Variants in KLRG1 observed in about 807,000 individuals in gnomAD.
KLRG1 encodes killer cell lectin like receptor G1.
KLRG1 carries 16 observed loss-of-function variants against 21.8 expected under a neutral mutation model. The observed-to-expected ratio is 0.73, with a 90% CI of 0.50 to 1.11. KLRG1 has a LOEUF of 1.11. KLRG1 is among the 50% of genes most tolerant of loss of function. The probability of loss-of-function intolerance (pLI) is 0.00; values close to 1 mark genes in which losing one functional copy is unlikely to be tolerated. For synonymous variants in KLRG1, 69 were observed against 75.9 expected (o/e 0.91, Z 0.47); for missense variants, 173 against 218.3 (o/e 0.79, Z 1.31).
chr12:9,116,586 T>C, the KLRG1 span, among the ~76,000 whole-genome samples: 2 of 152,232 alleles, frequency 1.3e-5, no homozygotes, highest in African/African-American at 4.8e-5. Context: ...TACCATCGAC[T>C]ACACAGACTT....
chr12:8,974,174 G>GTT lies in KLRG1; in HGVS notation c.-155-18022_-155-18021dup, dbSNP rs34490439. Among the ~76,000 whole-genome samples the GTT allele has an allele frequency of 1.1e-3, 153 of 145,468 alleles. 1 individual carries two copies. The highest frequency in any genetic ancestry group is 2.4e-3 in the South Asian group (11 of 4,610). On this transcript the variant is annotated intron_variant, in intron 1 of 4. Coordinates refer to the KLRG1 transcript ENST00000539240. ...GTTTTTTTGTTTGTTTGTTTGTTTTGTTTTTTTTTTTGAGATGGAGTCTCA... is the reference window on the plus strand; with the variant it reads ...GTTTTTTTGTTTGTTTGTTTGTTTTGTTTTTTTTTTTTTGAGATGGAGTCTCA...
the KLRG1 span, chr12:9,072,833 T>C: frequency 6.2e-7 from 1 of 1,614,088 alleles, no homozygotes; most frequent in South Asian, 1.1e-5. Context: ...ATGTGGCTGC[T>C]CCATATTTGG....
At chr12:9,117,847 C>T in the KLRG1 span, among the ~76,000 whole-genome samples, 1 of 152,078 alleles carries the variant, frequency 6.6e-6, no homozygotes, top group Non-Finnish European at 1.5e-5. Context: ...ATGATCATTT[C>T]AACATTTAGC....
chr12:9,187,433 T>C, the KLRG1 span, among the ~76,000 whole-genome samples: 1 of 152,150 alleles, frequency 6.6e-6, no homozygotes, highest in African/African-American at 2.4e-5. Context: ...CAATCAGACA[T>C]AAAACTATCC....
the KLRG1 span, chr12:9,111,656 A>C: frequency 1.2e-5 from 5 of 400,258 alleles, no homozygotes; most frequent in Non-Finnish European, 2.4e-5. Context: ...AGAAAATGTG[A>C]AGAAGTTAAT....
chr12:9,017,267 A>C, the KLRG1 span, among the ~76,000 whole-genome samples: 43 of 26,686 alleles, frequency 1.6e-3, no homozygotes, highest in African/African-American at 3.9e-3. Flanking sequence ...TCCATCTCAA[A>C]AAAAAAAAAA....
At chr12:9,199,702 T>G in the KLRG1 span, among the ~76,000 whole-genome samples, 2 of 152,152 alleles carry the variant, frequency 1.3e-5, no homozygotes, top group African/African-American at 4.8e-5. Flanking sequence ...ATTTATAGAT[T>G]CCTATGGCTT....
chr12:9,079,866 T>C, the KLRG1 span: 20 of 1,445,744 alleles, frequency 1.4e-5, no homozygotes, highest in Non-Finnish European at 1.7e-5. Context: ...TTATCATCTA[T>C]CAAAGTCATT....
the KLRG1 span, among the ~76,000 whole-genome samples, chr12:9,059,173 A>G: frequency 6.6e-6 from 1 of 152,208 alleles, no homozygotes; most frequent in Non-Finnish European, 1.5e-5. Context: ...GTCATCTGAG[A>G]TGATTTGCAA....
the KLRG1 span, among the ~76,000 whole-genome samples, chr12:9,040,538 A>G: frequency 3.9e-5 from 6 of 152,246 alleles, no homozygotes; most frequent in East Asian, 1.2e-3. Flanking sequence ...TTTTCTGTCC[A>G]GTGCCTCCCT....
At chr12:9,152,876 T>C in the KLRG1 span, 1 of 1,614,092 alleles carries the variant, frequency 6.2e-7, no homozygotes, top group Non-Finnish European at 8.5e-7. Flanking sequence ...CCATCGCAAG[T>C]TTGGGGCACA....
chr12:9,050,483 A>G, the KLRG1 span, among the ~76,000 whole-genome samples: 1 of 152,162 alleles, frequency 6.6e-6, no homozygotes, highest in Non-Finnish European at 1.5e-5. Flanking sequence ...GTGCTGCTGC[A>G]GCCCTGCAAA....
the KLRG1 span, among the ~76,000 whole-genome samples, chr12:9,187,575 A>G: frequency 6.6e-6 from 1 of 152,236 alleles, no homozygotes; most frequent in Non-Finnish European, 1.5e-5. Flanking sequence ...CTGCTCCTGC[A>G]TGACTTTTGG....
chr12:9,101,031 C>T, the KLRG1 span: 3 of 961,340 alleles, frequency 3.1e-6, no homozygotes, highest in South Asian at 1.7e-5. Flanking sequence ...CCAAACACCA[C>T]CTGTTCCCCC....
At chr12:9,156,215 A>C in the KLRG1 span, 1 of 205,142 alleles carries the variant, frequency 4.9e-6, no homozygotes, top group East Asian at 1.2e-4. Context: ...GTGATTGTTC[A>C]TGACAATATC....
the KLRG1 span, among the ~76,000 whole-genome samples, chr12:9,144,446 C>T: frequency 6.6e-6 from 1 of 152,142 alleles, no homozygotes; most frequent in Non-Finnish European, 1.5e-5. Context: ...GGATGAGCTG[C>T]CACTGCCCAC....
chr12:9,130,440 C>A, the KLRG1 span, among the ~76,000 whole-genome samples: 4 of 152,002 alleles, frequency 2.6e-5, no homozygotes, highest in South Asian at 8.3e-4. Context: ...CAATTTGTCC[C>A]CATCCTTGCC....
At chr12:9,072,864 A>T in the KLRG1 span, 11 of 1,613,714 alleles carry the variant, frequency 6.8e-6, no homozygotes, top group Non-Finnish European at 9.3e-6. Flanking sequence ...GAGAGCCACC[A>T]CTGTGTCCTG....
chr12:9,086,328 G>T, the KLRG1 span, among the ~76,000 whole-genome samples: 1 of 152,170 alleles, frequency 6.6e-6, no homozygotes. Flanking sequence ...AGGAGTTCAA[G>T]TCCAGCCTGG....
Sources: gnomAD v4.1 joint callset for allele counts (sites outside exome capture counted in the v4.1 genomes callset) on GRCh38, gnomAD v4.1.1 for gene constraint, MANE v1.5 for transcripts, NCBI Gene and HGNC (gene_info 2026-07-23, HGNC 2026-07-21) for gene names.